SYT13: variants seen among roughly 807,000 people sequenced by gnomAD.
The protein encoded by SYT13 is synaptotagmin 13, also known as synaptotagmin-13.
SYT13 carries 21 observed loss-of-function variants against 38.6 expected under a neutral mutation model. That is an observed-to-expected ratio of 0.54 (90% CI 0.39 to 0.78). SYT13 has a LOEUF of 0.78. Among genes scored for constraint, SYT13 ranks in the 30% least tolerant of loss-of-function variants. The pLI is 0.00. For missense variants in SYT13, 495 were observed against 548.7 expected (o/e 0.90, Z 0.98); for synonymous variants, 241 against 237.6 (o/e 1.01, Z -0.13).
chr11:45,255,601 CAG>C, intron 2 of SYT13, 63 bp downstream of exon 2: 1 of 1,497,184 alleles, frequency 6.7e-7, no homozygotes, highest in South Asian at 1.2e-5. Flanking sequence ...ACAGCATCTA[CAG>C]AGACATTGAC....
At chr11:45,262,772 T>C (rs1208599974) in intron 1 of SYT13, among the ~76,000 whole-genome samples, 10 of 100,356 alleles carry the variant, frequency 1.0e-4, no homozygotes, top group Non-Finnish European at 1.9e-4. Flanking sequence ...CACACACAAA[T>C]TGAACTGTAC....
At chr11:45,275,997 G>C (rs2135908974) in intron 1 of SYT13, among the ~76,000 whole-genome samples, 1 of 152,270 alleles carries the variant, frequency 6.6e-6, no homozygotes, top group East Asian at 1.9e-4. Context: ...TGTTTTTACG[G>C]GTTGCCCATG....
intron 1 of SYT13, among the ~76,000 whole-genome samples, chr11:45,275,349 G>A (rs924619730): frequency 6.6e-6 from 1 of 152,060 alleles, no homozygotes; most frequent in African/African-American, 2.4e-5. Context: ...ACTCAATTTC[G>A]CAGAATTCTC....
chr11:45,272,766 C>A (rs1010796982), intron 1 of SYT13, among the ~76,000 whole-genome samples: 3 of 152,172 alleles, frequency 2.0e-5, no homozygotes, highest in Admixed American at 1.3e-4. Flanking sequence ...ATGAGAATAA[C>A]AGCCCCAGAG....
In SYT13 at chr11:45,250,502, C is replaced by T. The variant is rs576396302; in HGVS notation, c.846+1919G>A. The stretch of plus-strand genomic sequence containing the variant: ...TGCCTAGATTGGCTGGATTTCTGCC[C>T]TTTGGGGCTGTACCAAGTCTCAGAG... On this transcript the variant is annotated intron_variant, in intron 4 of 5. Coordinates refer to ENST00000020926, the MANE Select transcript of SYT13 (RefSeq NM_020826.3). Among the ~76,000 whole-genome samples the T allele has an allele frequency of 1.8e-4, 28 of 152,332 alleles. No individual in the cohort carries two copies. In the East Asian group the frequency reaches 4.6e-3, roughly 25 times the overall value.
chr11:45,251,285 AG>A (rs1461072639), intron 4 of SYT13, among the ~76,000 whole-genome samples: 1 of 147,358 alleles, frequency 6.8e-6, no homozygotes, highest in Non-Finnish European at 1.5e-5. Flanking sequence ...GCTACTCAGG[AG>A]GCTGAGGCAC....
chr11:45,259,603 T>A (rs1854791787), intron 1 of SYT13, among the ~76,000 whole-genome samples: 1 of 152,048 alleles, frequency 6.6e-6, no homozygotes, highest in Non-Finnish European at 1.5e-5. Context: ...CCATTCCCTC[T>A]CCCATCTACC....
intron 5 of SYT13, among the ~76,000 whole-genome samples, chr11:45,245,836 C>T (rs1371566728): frequency 2.6e-5 from 4 of 152,198 alleles, no homozygotes; most frequent in Admixed American, 6.5e-5. Context: ...CTGCCATCAC[C>T]CACACTCAGC....
At chr11:45,250,353 C>T (rs113455162) in intron 4 of SYT13, among the ~76,000 whole-genome samples, 56 of 152,326 alleles carry the variant, frequency 3.7e-4, no homozygotes, top group African/African-American at 1.1e-3. Context: ...ATGTCCCCAG[C>T]TCTTGGCACA....
rs1170440933 is a variant in SYT13 at position 45,240,748 on chromosome 11, A to G, written c.*3304T>C. ...CAGACTCCCGATTTTCTATCCCCGT[A>G]GAAATCTCTGAAGAAAGAACCAGAT... On this transcript the variant is annotated 3_prime_UTR_variant, in exon 6 of 6. Transcript: ENST00000020926. 1.3e-5 allele frequency: 2 copies of G among 152,266 alleles called. No homozygotes were observed. The highest frequency in any genetic ancestry group is 4.8e-5 in the African/African-American group (2 of 41,466). The allele number at this position is 152,266 out of a possible 1,614,324, so 9.4% of individuals were successfully genotyped here. A position where few individuals can be genotyped will look rare whatever the true frequency, so the allele number is the denominator to read the frequency against.
intron 1 of SYT13, among the ~76,000 whole-genome samples, chr11:45,285,316 A>G (rs1855120623): frequency 6.6e-6 from 1 of 152,204 alleles, no homozygotes; most frequent in African/African-American, 2.4e-5. Context: ...GAGCAAATGC[A>G]TGGGATAAAA....
At chr11:45,251,521 T>C (rs1192782497) in intron 4 of SYT13, among the ~76,000 whole-genome samples, 1 of 151,898 alleles carries the variant, frequency 6.6e-6, no homozygotes, top group Non-Finnish European at 1.5e-5. Context: ...GGTTATACAG[T>C]CTTTAGATCA....
Position 45,252,613 on chromosome 11 carries a change from G to T in SYT13, c.654C>A (p.His218Gln). 6.2e-7 allele frequency: 1 copy of T among 1,614,158 alleles called. No individual in the cohort carries two copies. The highest frequency in any genetic ancestry group is 8.5e-7 in the Non-Finnish European group (1 of 1,179,996). The change falls in exon 4 of 6, where the codon CAC (histidine) becomes CAA (glutamine). Residue 218 changes from histidine to glutamine, a missense_variant. Physicochemically the swap from His to Gln is conservative, Grantham distance 24 (BLOSUM62 0). Transcript: ENST00000020926. This position sits in a 1 kb window ranked among gnomAD's most constrained non-coding sequence, Gnocchi z 4.3. ...GCACCAGGCCCTCCTCCCAGGTGGT[G>T]TGCAGCTGCCGCTTCTTTAGGGCTG... is the stretch of plus-strand genomic sequence containing the variant. ...AQTALKKRQL[H>Q]TTWEEGLVLP...
At chr11:45,270,566 T>C (rs569757683) in intron 1 of SYT13, among the ~76,000 whole-genome samples, 2 of 152,312 alleles carry the variant, frequency 1.3e-5, no homozygotes, top group East Asian at 3.9e-4. Context: ...TTTGTACCCA[T>C]TTAAAAATTG....
intron 2 of SYT13, 112 bp downstream of exon 2, chr11:45,255,554 A>C: frequency 9.5e-7 from 1 of 1,056,336 alleles, no homozygotes; most frequent in South Asian, 1.6e-5. Flanking sequence ...GGCCAGCGTC[A>C]AATGCCGGGG....
chr11:45,250,522 T>C (rs1443437359), intron 4 of SYT13, among the ~76,000 whole-genome samples: 1 of 152,196 alleles, frequency 6.6e-6, no homozygotes, highest in Non-Finnish European at 1.5e-5. Context: ...GTACCAAGTC[T>C]CAGAGCCCAG....
intron 1 of SYT13, among the ~76,000 whole-genome samples, chr11:45,278,156 G>A (rs1005280160): frequency 1.3e-5 from 2 of 152,098 alleles, no homozygotes; most frequent in Non-Finnish European, 2.9e-5. Context: ...TGATACATAC[G>A]TATAGAATCT....
chr11:45,262,883 A>T (rs1854836636), intron 1 of SYT13, among the ~76,000 whole-genome samples: 1 of 152,188 alleles, frequency 6.6e-6, no homozygotes. Context: ...GAGGAACTCG[A>T]GCCCTGTGAG....
chr11:45,275,632 C>A (rs945682195), intron 1 of SYT13, among the ~76,000 whole-genome samples: 8 of 152,170 alleles, frequency 5.3e-5, no homozygotes, highest in Non-Finnish European at 8.8e-5. Context: ...AATTACAGCA[C>A]CCTTTATCTA....
Sources: allele counts gnomAD v4.1 joint callset (sites outside exome capture counted in the v4.1 genomes callset), GRCh38; gene constraint gnomAD v4.1.1; non-coding constraint Gnocchi (gnomAD v3.1); transcripts MANE v1.5; gene names NCBI Gene and HGNC (gene_info 2026-07-23, HGNC 2026-07-21).